Variants in CFAP299 observed in about 807,000 individuals in gnomAD.
The protein encoded by CFAP299 is cilia and flagella associated protein 299, also known as cilia- and flagella-associated protein 299.
Under a neutral mutation model 27.0 loss-of-function variants are expected in CFAP299, and 21 were observed. The observed-to-expected ratio is 0.78, with a 90% CI of 0.55 to 1.12. The LOEUF (loss-of-function observed/expected upper bound fraction) is 1.12. CFAP299 is among the 50% of genes most tolerant of loss of function. The probability of loss-of-function intolerance (pLI) is 0.00; values close to 1 mark genes in which losing one functional copy is unlikely to be tolerated. For missense variants in CFAP299, 310 were observed against 276.6 expected (o/e 1.12, Z -0.86); for synonymous variants, 104 against 98.1 (o/e 1.06, Z -0.36).
At chr4:80,563,286 C>T (rs903467750) in intron 2 of CFAP299, among the ~76,000 whole-genome samples, 2 of 152,102 alleles carry the variant, frequency 1.3e-5, no homozygotes, top group East Asian at 1.9e-4. Context: ...AAGGATAAAC[C>T]ATATGTTAGG....
chr4:80,812,199 C>T (rs374418980), intron 3 of CFAP299, among the ~76,000 whole-genome samples: 47 of 152,216 alleles, frequency 3.1e-4, no homozygotes, highest in African/African-American at 1.0e-3. Context: ...CAATGAATCA[C>T]AGCTAGAATT....
At chr4:80,857,738 G>C (rs1385583236) in intron 3 of CFAP299, among the ~76,000 whole-genome samples, 2 of 152,320 alleles carry the variant, frequency 1.3e-5, no homozygotes, top group East Asian at 3.9e-4. Flanking sequence ...AACCAGCCTT[G>C]CACCCCAGGG....
At chr4:80,954,684 G>A (rs939371497) in intron 5 of CFAP299, among the ~76,000 whole-genome samples, 1 of 151,930 alleles carries the variant, frequency 6.6e-6, no homozygotes, top group African/African-American at 2.4e-5. Flanking sequence ...AATATGCGGG[G>A]GGGACAACTT....
intron 3 of CFAP299, among the ~76,000 whole-genome samples, chr4:80,810,888 A>G (rs931797656): frequency 1.3e-5 from 2 of 152,146 alleles, no homozygotes; most frequent in African/African-American, 2.4e-5. Flanking sequence ...AGCCTGATGC[A>G]ACATCCCCTG....
chr4:80,916,201 G>T (rs1735741307), intron 4 of CFAP299, among the ~76,000 whole-genome samples: 2 of 140,616 alleles, frequency 1.4e-5, no homozygotes, highest in Non-Finnish European at 1.5e-5. Flanking sequence ...GGCAGAGGTT[G>T]CAGTGAGCCA....
At chr4:80,491,982 A>G (rs1331972532) in intron 2 of CFAP299, among the ~76,000 whole-genome samples, 1 of 152,202 alleles carries the variant, frequency 6.6e-6, no homozygotes. Context: ...AAGGGCAGCC[A>G]CTATAAGACT....
intron 4 of CFAP299, among the ~76,000 whole-genome samples, chr4:80,930,971 T>C (rs1463830062): frequency 1.3e-5 from 2 of 152,164 alleles, no homozygotes; most frequent in Non-Finnish European, 2.9e-5. Context: ...TGTCTTTTCA[T>C]AGCATTCCAG....
At chr4:80,907,377 G>T (rs568779070) in intron 4 of CFAP299, among the ~76,000 whole-genome samples, 1 of 152,262 alleles carries the variant, frequency 6.6e-6, no homozygotes, top group South Asian at 2.1e-4. Flanking sequence ...ATGTCACATA[G>T]TTCCAAAGTC....
At chr4:80,414,062 T>C (rs72860789) in intron 2 of CFAP299, among the ~76,000 whole-genome samples, 27,836 of 99,936 alleles carry the variant, frequency 0.28, 2,841 homozygotes, top group South Asian at 0.44. Context: ...AAATGGGTAT[T>C]TCTTTTTTTT....
At chr4:80,876,778 C>T (rs1387310736) in intron 4 of CFAP299, among the ~76,000 whole-genome samples, 16 of 151,882 alleles carry the variant, frequency 1.1e-4, no homozygotes, top group Admixed American at 1.0e-3. Flanking sequence ...CACTTTTGAC[C>T]TCAAATCCAT....
At chr4:80,889,745 A>T (rs1223248357) in intron 4 of CFAP299, among the ~76,000 whole-genome samples, 1 of 152,108 alleles carries the variant, frequency 6.6e-6, no homozygotes, top group Non-Finnish European at 1.5e-5. Context: ...CGCAAACCAA[A>T]TTCAAAAATA....
At chr4:80,877,520 C>G (rs75987966) in intron 4 of CFAP299, among the ~76,000 whole-genome samples, 1 of 152,128 alleles carries the variant, frequency 6.6e-6, no homozygotes, top group Non-Finnish European at 1.5e-5. Context: ...CTTTAGTTGT[C>G]TAGAATGTGT....
intron 2 of CFAP299, among the ~76,000 whole-genome samples, chr4:80,464,295 G>A (rs919245444): frequency 4.6e-5 from 7 of 152,010 alleles, no homozygotes; most frequent in African/African-American, 1.7e-4. Context: ...ATAATTCAAG[G>A]CACATTAAAC....
At chr4:80,746,410 T>C (rs1183384757) in intron 3 of CFAP299, among the ~76,000 whole-genome samples, 1 of 152,094 alleles carries the variant, frequency 6.6e-6, no homozygotes, top group Admixed American at 6.6e-5. Flanking sequence ...ATTTGAGAAG[T>C]AAGCCTACTT....
chr4:80,750,542 G>A (rs568320734), intron 3 of CFAP299, among the ~76,000 whole-genome samples: 176 of 152,272 alleles, frequency 1.2e-3, no homozygotes, highest in Middle Eastern at 6.8e-3. Flanking sequence ...CTGTCTATCA[G>A]ATAAGAAAAC....
chr4:80,914,344 G>T (rs1184561349), intron 4 of CFAP299, among the ~76,000 whole-genome samples: 1 of 151,928 alleles, frequency 6.6e-6, no homozygotes, highest in Non-Finnish European at 1.5e-5. Flanking sequence ...GGTATTATAG[G>T]TCACTTTAAT....
At chr4:80,628,316 A>G (rs895732687) in intron 3 of CFAP299, among the ~76,000 whole-genome samples, 1 of 152,108 alleles carries the variant, frequency 6.6e-6, no homozygotes, top group Non-Finnish European at 1.5e-5. Context: ...ATCTCACACC[A>G]TATATAAAAA....
chr4:80,655,859 G>A (rs1016348776), intron 3 of CFAP299, among the ~76,000 whole-genome samples: 10 of 152,034 alleles, frequency 6.6e-5, no homozygotes, highest in Non-Finnish European at 1.3e-4. Flanking sequence ...ACAAAGAAAC[G>A]TACACTTTTC....
At chr4:80,781,791 T>G (rs1262826501) in intron 3 of CFAP299, among the ~76,000 whole-genome samples, 1 of 150,640 alleles carries the variant, frequency 6.6e-6, no homozygotes, top group Non-Finnish European at 1.5e-5. Flanking sequence ...GTGGAACAAA[T>G]GTAGCATCTG....
Sources: allele counts gnomAD v4.1 joint callset (sites outside exome capture counted in the v4.1 genomes callset), GRCh38; gene constraint gnomAD v4.1.1; transcripts MANE v1.5; gene names NCBI Gene and HGNC (gene_info 2026-07-23, HGNC 2026-07-21).